Variants in SULF2 observed in about 807,000 individuals in gnomAD.
SULF2 encodes the protein sulfatase 2.
Under a neutral mutation model 107.7 loss-of-function variants are expected in SULF2, and 52 were observed. The ratio of observed to expected loss-of-function variants is 0.48; its 90% CI spans 0.39 to 0.61. The LOEUF (loss-of-function observed/expected upper bound fraction) is 0.61, where lower values mean the gene tolerates loss of function less well. Among genes scored for constraint, SULF2 ranks in the 20% least tolerant of loss-of-function variants. The pLI is 0.00. For missense variants in SULF2, 993 were observed against 1,177.3 expected, an observed-to-expected ratio of 0.84 and a Z score of 2.29; for synonymous variants, 460 against 464.3, an observed-to-expected ratio of 0.99 and a Z score of 0.12.
chr20:47,674,413 C>T (rs551245069), intron 10 of SULF2, among the ~76,000 whole-genome samples: 1 of 152,362 alleles, frequency 6.6e-6, no homozygotes, highest in African/African-American at 2.4e-5. Context: ...TGCCTGAGCC[C>T]TGGGCCTCAG....
chr20:47,762,037 C>T (rs2090429228), intron 1 of SULF2, among the ~76,000 whole-genome samples: 1 of 152,220 alleles, frequency 6.6e-6, no homozygotes, highest in Non-Finnish European at 1.5e-5. Flanking sequence ...TGCCTTTCAC[C>T]TTCCACCATG....
intron 2 of SULF2, among the ~76,000 whole-genome samples, chr20:47,754,977 G>A (rs1423564504): frequency 6.6e-6 from 1 of 151,994 alleles, no homozygotes; most frequent in Non-Finnish European, 1.5e-5. Context: ...GCTACTACAG[G>A]TGTGTGCCAC....
chr20:47,761,470 G>T (rs937738170), intron 1 of SULF2, among the ~76,000 whole-genome samples: 5 of 152,150 alleles, frequency 3.3e-5, no homozygotes, highest in Non-Finnish European at 7.3e-5. Context: ...CACATGTTTT[G>T]GGAAAAGAAA....
intron 3 of SULF2, among the ~76,000 whole-genome samples, chr20:47,726,262 G>A (rs2089440373): frequency 6.6e-6 from 1 of 152,168 alleles, no homozygotes; most frequent in Non-Finnish European, 1.5e-5. Flanking sequence ...CCGAAGTACA[G>A]TGGTGTGATC....
At chr20:47,751,886 A>G (rs1167408680) in intron 2 of SULF2, among the ~76,000 whole-genome samples, 2 of 152,230 alleles carry the variant, frequency 1.3e-5, no homozygotes, top group Non-Finnish European at 2.9e-5. Flanking sequence ...GCTTTTCAAC[A>G]GCCATGATGG....
At chr20:47,686,745 G>A (rs896044991) in intron 5 of SULF2, among the ~76,000 whole-genome samples, 2 of 152,200 alleles carry the variant, frequency 1.3e-5, no homozygotes, top group African/African-American at 2.4e-5. Flanking sequence ...TGTGGACACC[G>A]TTGCTATGTA....
intron 2 of SULF2, among the ~76,000 whole-genome samples, chr20:47,754,117 T>A (rs182262486): frequency 7.4e-4 from 112 of 152,274 alleles, no homozygotes; most frequent in Non-Finnish European, 1.2e-3. Context: ...ATATACGTGG[T>A]ACAGCCCCGA....
rs745853063 is a variant in SULF2 at position 47,723,128 on chromosome 20, C to T, written c.415+13575G>A. Among the ~76,000 whole-genome samples, 18 of 151,886 alleles carry T rather than the reference C, an allele frequency of 1.2e-4. 1 individual carries two copies. Among genetic ancestry groups the T allele is most frequent in the Admixed American group, 9.8e-4 (15 of 15,266 alleles). ...GTGTAGTGGTGGGTGCCTGTAGTTC[C>T]AGCTACTTGGGAAGCAGAGGCAGGG... On this transcript the variant is annotated intron_variant, in intron 3 of 20. Coordinates refer to ENST00000688720, the MANE Select transcript of SULF2 (RefSeq NM_001387048.1).
At chr20:47,741,150 C>A (rs6094800) in intron 2 of SULF2, among the ~76,000 whole-genome samples, 2 of 152,102 alleles carry the variant, frequency 1.3e-5, no homozygotes, top group East Asian at 3.9e-4. Context: ...AGAGTCTCCT[C>A]TCCTGACACT....
chr20:47,723,858 C>T (rs890120826), intron 3 of SULF2, among the ~76,000 whole-genome samples: 4 of 152,202 alleles, frequency 2.6e-5, no homozygotes, highest in Admixed American at 6.5e-5. Context: ...AAAGTGCACA[C>T]TAAATGAAAT....
At chr20:47,711,986 A>G (rs1011211546) in intron 3 of SULF2, among the ~76,000 whole-genome samples, 2 of 152,266 alleles carry the variant, frequency 1.3e-5, no homozygotes, top group African/African-American at 4.8e-5. Flanking sequence ...ATACAGGTAC[A>G]TATGTACATA....
intron 2 of SULF2, among the ~76,000 whole-genome samples, chr20:47,745,301 C>T (rs6063147): frequency 0.29 from 42,247 of 147,490 alleles, 6,911 homozygotes; most frequent in African/African-American, 0.47. Flanking sequence ...AATGATTTAG[C>T]CACCCTGCAC....
chr20:47,745,943 T>G (rs2090025569), intron 2 of SULF2, among the ~76,000 whole-genome samples: 1 of 152,226 alleles, frequency 6.6e-6, no homozygotes, highest in African/African-American at 2.4e-5. Flanking sequence ...AAGGAAAGGA[T>G]TTTAAAAATT....
intron 6 of SULF2, among the ~76,000 whole-genome samples, chr20:47,684,085 T>C (rs1462812771): frequency 6.6e-6 from 1 of 152,230 alleles, no homozygotes; most frequent in Admixed American, 6.5e-5. Context: ...TATACAACTC[T>C]GGGCATATTA....
At chr20:47,712,447 T>A (rs894455869) in intron 3 of SULF2, among the ~76,000 whole-genome samples, 1 of 152,222 alleles carries the variant, frequency 6.6e-6, no homozygotes, top group Non-Finnish European at 1.5e-5. Flanking sequence ...TTATTTCCTC[T>A]ACAGCACTCT....
At chr20:47,735,194 CAGGT>C (rs2089699843) in intron 3 of SULF2, among the ~76,000 whole-genome samples, 1 of 152,050 alleles carries the variant, frequency 6.6e-6, no homozygotes, top group South Asian at 2.1e-4. Context: ...TTGATGAGAA[CAGGT>C]CTAGGGTCTT....
rs1228860651 is a variant in SULF2 at position 47,678,506 on chromosome 20, AG to A, written c.1193+169del. 2 of 768,566 alleles carry A rather than the reference AG, an allele frequency of 2.6e-6. No homozygotes were observed. Among genetic ancestry groups the A allele is most frequent in the Non-Finnish European group, 4.2e-6 (2 of 477,146 alleles). The allele number at this position is 768,566 out of a possible 1,614,324, so 47.6% of individuals were successfully genotyped here. ...CAGATGGGAAGACAGAATCTCGGAGAGGGGACCATGCTTCTCTCCCACAGCA... is the reference window on the plus strand; with the variant it reads ...CAGATGGGAAGACAGAATCTCGGAGAGGGACCATGCTTCTCTCCCACAGCA... On this transcript the variant is annotated intron_variant, in intron 8 of 20. Coordinates refer to ENST00000688720, the MANE Select transcript of SULF2 (RefSeq NM_001387048.1). The surrounding 1 kb of genome is among the most constrained non-coding windows in gnomAD (Gnocchi z 4.5).
At chr20:47,662,443 G>A (rs1052864052) in intron 17 of SULF2, among the ~76,000 whole-genome samples, 2 of 152,192 alleles carry the variant, frequency 1.3e-5, no homozygotes, top group African/African-American at 4.8e-5. Context: ...TTAAACATCA[G>A]ATTTCATTTA....
chr20:47,659,550 C>G, intron 19 of SULF2, 98 bp from the exon 20 acceptor site: 1 of 1,433,126 alleles, frequency 7.0e-7, no homozygotes, highest in Non-Finnish European at 9.8e-7. Flanking sequence ...TAGGTGACAC[C>G]TATCTTTGGT....
Sources: allele counts gnomAD v4.1 joint callset (sites outside exome capture counted in the v4.1 genomes callset), GRCh38; gene constraint gnomAD v4.1.1; non-coding constraint Gnocchi (gnomAD v3.1); transcripts MANE v1.5; gene names NCBI Gene and HGNC (gene_info 2026-07-23, HGNC 2026-07-21).